TTC17: variants seen among roughly 807,000 people sequenced by gnomAD.
TTC17 encodes tetratricopeptide repeat protein 17.
A neutral mutation model predicts 143.8 loss-of-function variants in TTC17; 58 were observed. That is an observed-to-expected ratio of 0.40 (90% CI 0.33 to 0.50). The LOEUF is 0.50. TTC17 is among the 20% of genes least tolerant of loss of function. The pLI is 0.49. For synonymous variants in TTC17, 501 were observed against 497.8 expected (o/e 1.01, Z -0.09); for missense variants, 1,273 against 1,392.5 (o/e 0.91, Z 1.37).
At position 43,483,834 on chromosome 11, in the gene TTC17, T is replaced by C. The variant is rs541431447; in HGVS notation, c.3031-6405T>C. Among the ~76,000 whole-genome samples, 16 of 152,292 alleles carry C rather than the reference T, an allele frequency of 1.1e-4. No homozygotes were observed. In the South Asian group the frequency reaches 3.1e-3, roughly 30 times the overall value. On this transcript the variant is annotated intron_variant, in intron 21 of 23. Transcript: ENST00000039989. The stretch of plus-strand genomic sequence containing the variant: ...ACCTTGTACTGAAACTCCTAGCAAG[T>C]ATAGTAAATCAATAAAAAGAAATTA...
chr11:43,436,454 A>G lies in TTC17; in HGVS notation c.2252-6871A>G, dbSNP rs535711753. 2.9e-5 allele frequency: 27 copies of G among 925,816 alleles called. No homozygotes were observed. The East Asian group carries it at 6.9e-4, about 24-fold the overall frequency. 57.4% of individuals were successfully genotyped at this position (925,816 alleles called of 1,614,324 possible). On this transcript the variant is annotated intron_variant, in intron 16 of 23. Transcript: ENST00000039989. The stretch of plus-strand genomic sequence containing the variant: ...TCTTTAACAATCATTATATTGTAGC[A>G]TCATGAGGGTGACCCCTAGGTGGTG...
chr11:43,365,065 T>A (rs1856277271), intron 1 of TTC17, among the ~76,000 whole-genome samples: 1 of 152,078 alleles, frequency 6.6e-6, no homozygotes, highest in African/African-American at 2.4e-5. Context: ...CCTCCCAAAG[T>A]GCTGGGATTA....
intron 21 of TTC17, among the ~76,000 whole-genome samples, chr11:43,474,889 T>C (rs1462292125): frequency 6.6e-6 from 1 of 152,166 alleles, no homozygotes. Flanking sequence ...TTACTGTTCA[T>C]TAAGTGGAAG....
intron 9 of TTC17, 122 bp downstream of exon 9, chr11:43,400,170 C>T (rs953579711): frequency 2.4e-5 from 27 of 1,115,410 alleles, no homozygotes; most frequent in Non-Finnish European, 1.9e-5. Context: ...TTCCCTACAT[C>T]TCGAAAGCAT....
At chr11:43,443,286 T>C (rs775117313) in intron 16 of TTC17, 39 bp from the exon 17 acceptor site, 58 of 1,606,414 alleles carry the variant, frequency 3.6e-5, no homozygotes, top group Non-Finnish European at 4.3e-5. Context: ...GAATGAGTAC[T>C]GTGTACCTTT....
At chr11:43,445,176 C>T (rs140280495) in intron 18 of TTC17, among the ~76,000 whole-genome samples, 2 of 152,182 alleles carry the variant, frequency 1.3e-5, no homozygotes, top group African/African-American at 4.8e-5. Flanking sequence ...GTAGAGAATA[C>T]CTTAATCATT....
At chr11:43,451,393 G>A in intron 21 of TTC17, 128 bp downstream of exon 21, 1 of 747,344 alleles carries the variant, frequency 1.3e-6, no homozygotes, top group Non-Finnish European at 2.3e-6. Context: ...AAAGGATAAT[G>A]TGAAATAACT....
chr11:43,420,430 T>C (rs1461163164), intron 16 of TTC17, among the ~76,000 whole-genome samples: 2 of 152,212 alleles, frequency 1.3e-5, no homozygotes, highest in African/African-American at 4.8e-5. Flanking sequence ...AACTGGATTA[T>C]AGGGTGCAGT....
At chr11:43,458,670 A>G (rs1564972117) in intron 21 of TTC17, among the ~76,000 whole-genome samples, 1 of 152,102 alleles carries the variant, frequency 6.6e-6, no homozygotes, top group Non-Finnish European at 1.5e-5. Flanking sequence ...GTCCCATCCA[A>G]TTATGGCATC....
At chr11:43,455,486 T>G (rs1422737228) in intron 21 of TTC17, among the ~76,000 whole-genome samples, 2 of 151,744 alleles carry the variant, frequency 1.3e-5, no homozygotes, top group African/African-American at 2.4e-5. Flanking sequence ...GAAAAGGAGA[T>G]TGCCAAAATA....
intron 1 of TTC17, among the ~76,000 whole-genome samples, chr11:43,364,047 C>CTTTTTTTT (rs71308379): frequency 1.1e-5 from 1 of 94,452 alleles, no homozygotes; most frequent in African/African-American, 3.9e-5. Flanking sequence ...TACAGATCCT[C>CTTTTTTTT]TTTTTTTTTT....
At chr11:43,487,334 C>T (rs76097617) in intron 21 of TTC17, among the ~76,000 whole-genome samples, 8,909 of 152,004 alleles carry the variant, frequency 0.059, 285 homozygotes, top group African/African-American at 0.094. Flanking sequence ...TTAGTATAGA[C>T]GGGTTTTCAG....
Position 43,480,478 on chromosome 11 carries a change from T to G in TTC17, c.3031-9761T>G, listed in dbSNP as rs1358388343. Among the ~76,000 whole-genome samples, 7 of 152,232 alleles carry G rather than the reference T, an allele frequency of 4.6e-5. No individual in the cohort carries two copies. The East Asian group carries it at 1.2e-3, about 25-fold the overall frequency. On this transcript the variant is annotated intron_variant, in intron 21 of 23. Coordinates refer to ENST00000039989, the MANE Select transcript of TTC17 (RefSeq NM_018259.6). ...AAGATAAGCAAAGAGCTAGAAAAAT[T>G]TACTACCAAGAGTGCCGTTCTAAAG...
intron 21 of TTC17, chr11:43,466,368 C>G (rs1044490655): frequency 2.6e-5 from 4 of 155,230 alleles, no homozygotes; most frequent in African/African-American, 9.6e-5. Flanking sequence ...ACTGCTGTCC[C>G]CCAACACCCC....
intron 20 of TTC17, 109 bp downstream of exon 20, chr11:43,450,350 T>G: frequency 6.9e-6 from 9 of 1,304,272 alleles, no homozygotes; most frequent in Non-Finnish European, 9.1e-6. Context: ...AAATAGGGGC[T>G]TTTTTCAGTT....
At chr11:43,389,862 A>C in intron 3 of TTC17, 41 bp downstream of exon 3, 2 of 1,513,632 alleles carry the variant, frequency 1.3e-6, no homozygotes, top group South Asian at 2.5e-5. Context: ...TGCTGTTTCA[A>C]ACATTTCCTT....
chr11:43,449,124 A>C (rs554782044), intron 19 of TTC17: 1 of 152,292 alleles, frequency 6.6e-6, no homozygotes, highest in Non-Finnish European at 1.5e-5. Flanking sequence ...TGTTCAATCT[A>C]TTCTCTCCAC....
At chr11:43,363,955 G>A (rs1235954822) in intron 1 of TTC17, among the ~76,000 whole-genome samples, 1 of 151,876 alleles carries the variant, frequency 6.6e-6, no homozygotes, top group Non-Finnish European at 1.5e-5. Flanking sequence ...GTAAGTGGGT[G>A]TGGAAGGGTC....
chr11:43,387,839 T>TA (rs1376620389), intron 2 of TTC17, among the ~76,000 whole-genome samples: 2 of 152,226 alleles, frequency 1.3e-5, no homozygotes, highest in African/African-American at 4.8e-5. Flanking sequence ...TATTAGTGAA[T>TA]AGTAATACAG....
Sources: allele counts gnomAD v4.1 joint callset (sites outside exome capture counted in the v4.1 genomes callset), GRCh38; gene constraint gnomAD v4.1.1; transcripts MANE v1.5; gene names NCBI Gene and HGNC (gene_info 2026-07-23, HGNC 2026-07-21).